Variants in CHKA observed in about 807,000 individuals in gnomAD.
The protein encoded by CHKA is CHETK-alpha.
Under a neutral mutation model 60.1 loss-of-function variants are expected in CHKA, and 34 were observed. That is an observed-to-expected ratio of 0.57 (90% CI 0.43 to 0.75). The LOEUF (loss-of-function observed/expected upper bound fraction) is 0.75. Ranked by LOEUF, CHKA falls within the 30% of genes least tolerant of loss-of-function variation. The probability of loss-of-function intolerance (pLI) is 0.00; values close to 1 mark genes in which losing one functional copy is unlikely to be tolerated. For synonymous variants in CHKA, 217 were observed against 223.1 expected (o/e 0.97, Z 0.24); for missense variants, 563 against 561.3 (o/e 1.00, Z -0.03).
intron 5 of CHKA, 128 bp downstream of exon 5, chr11:68,070,596 G>T: frequency 2.0e-6 from 2 of 978,274 alleles, no homozygotes; most frequent in Non-Finnish European, 3.1e-6. Context: ...AGTATCACCA[G>T]CTGACACCCT....
chr11:68,099,291 T>A (rs1398431452), intron 1 of CHKA, among the ~76,000 whole-genome samples: 3 of 152,258 alleles, frequency 2.0e-5, no homozygotes, highest in African/African-American at 7.2e-5. Flanking sequence ...GCCACTGGAC[T>A]GTACAATTTA....
chr11:68,108,645 G>C (rs1858011619), intron 1 of CHKA, among the ~76,000 whole-genome samples: 1 of 152,170 alleles, frequency 6.6e-6, no homozygotes, highest in Non-Finnish European at 1.5e-5. Flanking sequence ...TTGGGAGGCT[G>C]AGGCAAGAGA....
At chr11:68,070,403 T>G in intron 5 of CHKA, 110 bp from the exon 6 acceptor site, 1 of 835,156 alleles carries the variant, frequency 1.2e-6, no homozygotes, top group Non-Finnish European at 1.9e-6. Flanking sequence ...GCAGTCACAA[T>G]GCCAGTGGGA....
chr11:68,078,967 T>C (rs1856882678), intron 3 of CHKA, among the ~76,000 whole-genome samples: 1 of 152,008 alleles, frequency 6.6e-6, no homozygotes, highest in African/African-American at 2.4e-5. Context: ...TTTTTGGAGA[T>C]GGATAGCCCA....
Position 68,101,653 on chromosome 11 carries a change from CA to C in CHKA, c.351-4524del, listed in dbSNP as rs573050309. ...AAACAATCCTGTTTACAATAGCTAA[CA>C]AAAAAAAAAAGAAAAGAAAAAGAAA... On this transcript the variant is annotated intron_variant, in intron 1 of 11. Coordinates refer to ENST00000265689, the MANE Select transcript of CHKA (RefSeq NM_001277.3). Among the ~76,000 whole-genome samples the C allele has an allele frequency of 2.1e-3, 235 of 113,224 alleles. 1 individual carries two copies. Among genetic ancestry groups the C allele is most frequent in the African/African-American group, 4.8e-3 (147 of 30,416 alleles). 74.3% of individuals were successfully genotyped at this position (113,224 alleles called of 152,430 possible). A position where few individuals can be genotyped will look rare whatever the true frequency, so the allele number is the denominator to read the frequency against.
intron 2 of CHKA, among the ~76,000 whole-genome samples, chr11:68,085,971 A>G (rs934177271): frequency 2.6e-5 from 4 of 152,132 alleles, no homozygotes; most frequent in Non-Finnish European, 4.4e-5. Context: ...AAAGCAGTAA[A>G]TATTCATATT....
At position 68,053,809 on chromosome 11, in the gene CHKA, A is replaced by G; in HGVS notation, c.*179T>C. 1 of 524,352 alleles carries G rather than the reference A, an allele frequency of 1.9e-6. No individual in the cohort carries two copies. The highest frequency in any genetic ancestry group is 3.4e-6 in the Non-Finnish European group (1 of 291,492). 32.5% of individuals were successfully genotyped at this position (524,352 alleles called of 1,614,324 possible). A position where few individuals can be genotyped will look rare whatever the true frequency, so the allele number is the denominator to read the frequency against. ...TCTGAGTCCTAGTGAAATCGTAAAC[A>G]AGAGATGAAATAAACGTCGCTCCAT... On this transcript the variant is annotated 3_prime_UTR_variant, in exon 12 of 12. Transcript: ENST00000265689.
intron 2 of CHKA, among the ~76,000 whole-genome samples, chr11:68,096,190 C>T (rs1175411779): frequency 6.6e-6 from 1 of 151,544 alleles, no homozygotes; most frequent in African/African-American, 2.4e-5. Context: ...ATGGTGAAAC[C>T]CCGTCTCTAC....
intron 2 of CHKA, among the ~76,000 whole-genome samples, chr11:68,084,428 ATATATATACGTATATATATG>A: frequency 5.7e-5 from 1 of 17,616 alleles, no homozygotes; most frequent in Non-Finnish European, 1.1e-4. Context: ...ATATATACAC[ATATATATACGTATATATATG>A]TGTGTATATA....
chr11:68,094,985 TATC>T (rs1260279531), intron 2 of CHKA, among the ~76,000 whole-genome samples: 9 of 152,192 alleles, frequency 5.9e-5, no homozygotes, highest in African/African-American at 2.2e-4. Flanking sequence ...TATAATCAAA[TATC>T]ATATGGATAT....
At chr11:68,057,704 T>G (rs561008203) in intron 11 of CHKA, among the ~76,000 whole-genome samples, 2 of 152,222 alleles carry the variant, frequency 1.3e-5, no homozygotes, top group Non-Finnish European at 2.9e-5. Flanking sequence ...CTGTTTCAAG[T>G]TGACTGTTGT....
In CHKA at chr11:68,054,051, G is replaced by A; in HGVS notation, c.1315-4C>T. ...CAAACCTTGCTTGGGCGTAGTCCTA[G>A]GAGACAGCAAAGAGAAGGCCTCAGC... is the stretch of plus-strand genomic sequence containing the variant. On this transcript the variant is annotated splice_polypyrimidine_tract_variant and splice_region_variant and intron_variant, in intron 11 of 11. Transcript: ENST00000265689. 6.2e-7 allele frequency: 1 copy of A among 1,611,928 alleles called. No homozygotes were observed. Among genetic ancestry groups the A allele is most frequent in the Non-Finnish European group, 8.5e-7 (1 of 1,178,856 alleles).
intron 11 of CHKA, among the ~76,000 whole-genome samples, chr11:68,055,747 T>TA (rs1855991417): frequency 1.3e-5 from 2 of 151,934 alleles, no homozygotes; most frequent in Admixed American, 6.6e-5. Context: ...TTCCATCCAT[T>TA]TATAAAGCAG....
chr11:68,095,263 C>T (rs1042383680), intron 2 of CHKA, among the ~76,000 whole-genome samples: 2 of 151,256 alleles, frequency 1.3e-5, no homozygotes, highest in African/African-American at 4.9e-5. Flanking sequence ...ATTAGCCAGG[C>T]GTGGTGGCGG....
chr11:68,114,710 AAAAG>A (rs1327749915), intron 1 of CHKA, among the ~76,000 whole-genome samples: 2 of 152,050 alleles, frequency 1.3e-5, no homozygotes, highest in African/African-American at 2.4e-5. Flanking sequence ...AAAAAAAAAA[AAAAG>A]AAGAAGAAAA....
intron 2 of CHKA, among the ~76,000 whole-genome samples, chr11:68,084,601 A>G (rs572830293): frequency 7.1e-4 from 108 of 151,676 alleles, no homozygotes; most frequent in African/African-American, 2.6e-3. Context: ...GTTATAAAAC[A>G]AAACTAAGCT....
rs35489750 is a variant in CHKA at position 68,116,714 on chromosome 11, TA to T, written c.350+4113del. 5.7e-3 allele frequency among the ~76,000 whole-genome samples: 802 copies of T among 140,874 alleles called. 3 individuals carry two copies. The highest frequency in any genetic ancestry group is 0.013 in the African/African-American group (514 of 38,474). The allele number at this position is 140,874 out of a possible 152,430, so 92.4% of individuals were successfully genotyped here. A position where few individuals can be genotyped will look rare whatever the true frequency, so the allele number is the denominator to read the frequency against. On this transcript the variant is annotated intron_variant, in intron 1 of 11. Coordinates refer to ENST00000265689, the MANE Select transcript of CHKA (RefSeq NM_001277.3). ...CCTGGGCAACAGAGCAAGACTGTCT[TA>T]AAAAAAAAAAAAGAAAGAAAGAAAG... is the stretch of plus-strand genomic sequence containing the variant.
At chr11:68,070,462 C>T (rs1856578964) in intron 5 of CHKA, among the ~76,000 whole-genome samples, 169 bp from the exon 6 acceptor site, 3 of 152,092 alleles carry the variant, frequency 2.0e-5, no homozygotes, top group Admixed American at 6.6e-5. Context: ...CTTGGGGGTT[C>T]GTGGCATTCT....
chr11:68,070,797 T>C lies in CHKA; in HGVS notation c.691A>G (p.Lys231Glu), dbSNP rs1481464542. The C allele has an allele frequency of 6.2e-7, 1 of 1,613,244 alleles. No homozygotes were observed. The highest frequency in any genetic ancestry group is 8.5e-7 in the Non-Finnish European group (1 of 1,179,302). ...TTCATACCATGAAATGTAGCCATTT[T>C]CTCGGCGATTTCTGCAGAAATATCT... Reference protein sequence around the residue: ...LPDISAEIAEKMATFHGMKMP... With the variant: ...LPDISAEIAEEMATFHGMKMP... The change falls in exon 5 of 12, where the codon AAA becomes GAA. Residue 231 changes from lysine (K) to glutamate (E), a missense_variant. Transcript: ENST00000265689.
Sources: allele counts gnomAD v4.1 joint callset (sites outside exome capture counted in the v4.1 genomes callset), GRCh38; gene constraint gnomAD v4.1.1; transcripts MANE v1.5; gene names NCBI Gene and HGNC (gene_info 2026-07-23, HGNC 2026-07-21).